UNC13B: variants seen among roughly 807,000 people sequenced by gnomAD.
UNC13B encodes the protein protein unc-13 homolog B.
UNC13B carries 144 observed loss-of-function variants against 211.0 expected under a neutral mutation model. The ratio of observed to expected loss-of-function variants is 0.68; its 90% CI spans 0.60 to 0.78. The LOEUF (loss-of-function observed/expected upper bound fraction) is 0.78, where lower values mean the gene tolerates loss of function less well. Ranked by LOEUF, UNC13B falls within the 30% of genes least tolerant of loss-of-function variation. The pLI is 0.00. For missense variants in UNC13B, 1,777 were observed against 2,002.0 expected, an observed-to-expected ratio of 0.89 and a Z score of 2.14; for synonymous variants, 709 against 725.8, an observed-to-expected ratio of 0.98 and a Z score of 0.37.
chr9:35,300,738 C>T lies in UNC13B; in HGVS notation c.1334C>T (p.Pro445Leu). ...GAGTGCTCTATAGAAGAGATAACCCCTTCCTCTATTGAGGAGCCCAAGGAG... is the reference window on the plus strand; with the variant it reads ...GAGTGCTCTATAGAAGAGATAACCCTTTCCTCTATTGAGGAGCCCAAGGAG... ...LSECSIEEIT[P>L]SSIEEPKEDR... Residue 445 changes from proline (P) to leucine (L), a missense_variant, in exon 9 of 40, where the codon CCT (proline) becomes CTT (leucine). Transcript: ENST00000635942. 2.5e-6 allele frequency: 1 copy of T among 398,970 alleles called. No individual in the cohort carries two copies. The allele number at this position is 398,970 out of a possible 1,614,324, so 24.7% of individuals were successfully genotyped here.
chr9:35,333,960 GT>G (rs555795828), intron 11 of UNC13B, among the ~76,000 whole-genome samples: 7 of 128,126 alleles, frequency 5.5e-5, no homozygotes, highest in African/African-American at 2.2e-4. Context: ...TCATTTTTTT[GT>G]TTGTTTTTTT....
chr9:35,225,561 T>C (rs944560540), intron 1 of UNC13B, among the ~76,000 whole-genome samples: 4 of 152,106 alleles, frequency 2.6e-5, no homozygotes, highest in Non-Finnish European at 5.9e-5. Context: ...TTTCTGTAGA[T>C]GTATCTATAT....
intron 1 of UNC13B, among the ~76,000 whole-genome samples, chr9:35,205,388 T>C (rs543922355): frequency 6.6e-6 from 1 of 152,214 alleles, no homozygotes; most frequent in Non-Finnish European, 1.5e-5. Context: ...TGAGGTGTAG[T>C]TTGCATACCA....
At chr9:35,363,561 A>T (rs912705745) in intron 11 of UNC13B, among the ~76,000 whole-genome samples, 2 of 152,144 alleles carry the variant, frequency 1.3e-5, no homozygotes, top group Non-Finnish European at 2.9e-5. Context: ...AGCTTGAAAA[A>T]TTGGGAACCT....
At chr9:35,165,242 G>T (rs768145558) in intron 1 of UNC13B, among the ~76,000 whole-genome samples, 24 of 152,034 alleles carry the variant, frequency 1.6e-4, no homozygotes, top group Non-Finnish European at 2.4e-4. Context: ...GTGGATCAGT[G>T]GTTGAAAATG....
chr9:35,282,993 T>G (rs991135683), intron 7 of UNC13B, among the ~76,000 whole-genome samples: 11 of 152,234 alleles, frequency 7.2e-5, no homozygotes, highest in Non-Finnish European at 1.2e-4. Flanking sequence ...TTCCATAGTT[T>G]GAGTATACTA....
chr9:35,271,138 C>CAAAA (rs34349679), intron 7 of UNC13B, among the ~76,000 whole-genome samples: 1 of 75,734 alleles, frequency 1.3e-5, no homozygotes, highest in Admixed American at 1.6e-4. Context: ...GACTCCATTT[C>CAAAA]AAAAAAAAAA....
rs116212979 is a variant in UNC13B, at chr9:35,233,912, T to G, written c.153-2557T>G. On this transcript the variant is annotated intron_variant, in intron 3 of 39. Coordinates refer to ENST00000635942, the MANE Select transcript of UNC13B (RefSeq NM_001371189.2). ...CTTAGCTGGACCTGCTGAGCAAATG[T>G]AGGTGAGATGAGAAGCTTCTTATAG... is the stretch of plus-strand genomic sequence containing the variant. Among the ~76,000 whole-genome samples the G allele has an allele frequency of 8.5e-3, 1,295 of 152,202 alleles. 13 individuals are homozygous for G. Among genetic ancestry groups the G allele is most frequent in the African/African-American group, 0.03 (1,226 of 41,524 alleles).
chr9:35,371,811 G>A (rs1834144510), intron 13 of UNC13B: 1 of 152,638 alleles, frequency 6.6e-6, no homozygotes, highest in South Asian at 2.1e-4. Flanking sequence ...GAAGCAGAGT[G>A]GATTGGGAAA....
chr9:35,284,720 A>G (rs927164049), intron 7 of UNC13B, among the ~76,000 whole-genome samples: 1 of 152,202 alleles, frequency 6.6e-6, no homozygotes, highest in Non-Finnish European at 1.5e-5. Flanking sequence ...AACTGTCTAG[A>G]AAAAGGGAAG....
chr9:35,274,058 C>T (rs1286705117), intron 7 of UNC13B, among the ~76,000 whole-genome samples: 1 of 152,072 alleles, frequency 6.6e-6, no homozygotes, highest in Non-Finnish European at 1.5e-5. Flanking sequence ...TGCTTCCTGA[C>T]CATCAGACCT....
chr9:35,397,077 C>T, intron 28 of UNC13B, 90 bp from the exon 29 acceptor site: 1 of 1,601,668 alleles, frequency 6.2e-7, no homozygotes, highest in South Asian at 1.1e-5. Context: ...GGCCATTAGC[C>T]ACTCTTGCTG....
intron 1 of UNC13B, among the ~76,000 whole-genome samples, chr9:35,183,832 C>T (rs1318581883): frequency 5.4e-5 from 8 of 148,882 alleles, no homozygotes; most frequent in African/African-American, 1.7e-4. Flanking sequence ...AGGCGCTCCT[C>T]GCCTCCCAGA....
At position 35,292,669 on chromosome 9, in the gene UNC13B, A is replaced by G. The variant is rs1235691135; in HGVS notation, c.527-3027A>G. Among the ~76,000 whole-genome samples, 3 of 152,200 alleles carry G rather than the reference A, an allele frequency of 2.0e-5. No homozygotes were observed. The South Asian group carries it at 6.2e-4, about 32-fold the overall frequency. ...TTCTGTCTCCTATTAGACTGACTCT[A>G]TATTCTGAGTCTTCTGTGTTGTTTA... On this transcript the variant is annotated intron_variant, in intron 7 of 39. Transcript: ENST00000635942.
At chr9:35,325,319 C>T (rs1830945362) in intron 11 of UNC13B, among the ~76,000 whole-genome samples, 1 of 152,152 alleles carries the variant, frequency 6.6e-6, no homozygotes, top group Non-Finnish European at 1.5e-5. Flanking sequence ...CATACCCATT[C>T]TCGCCTATTC....
Position 35,366,998 on chromosome 9 carries a change from G to A in UNC13B, c.9461+5G>A. 1.9e-6 allele frequency: 3 copies of A among 1,612,952 alleles called. No homozygotes were observed. Among genetic ancestry groups the A allele is most frequent in the Non-Finnish European group, 2.5e-6 (3 of 1,178,916 alleles). On this transcript the variant is annotated splice_donor_5th_base_variant and intron_variant, in intron 12 of 39. Coordinates refer to ENST00000635942, the MANE Select transcript of UNC13B (RefSeq NM_001371189.2). ...GCCTCAGTGGCTCCCGGAAGGGTAAGTAATTCACTGCAAGGTTTCTGTGGA... is the reference window on the plus strand; with the variant it reads ...GCCTCAGTGGCTCCCGGAAGGGTAAATAATTCACTGCAAGGTTTCTGTGGA...
intron 11 of UNC13B, among the ~76,000 whole-genome samples, chr9:35,338,324 T>A (rs1035933351): frequency 6.6e-6 from 1 of 152,162 alleles, no homozygotes; most frequent in Non-Finnish European, 1.5e-5. Context: ...CTAAGACTTG[T>A]CAGCAATTTA....
At chr9:35,299,531 T>G (rs1489730546) in intron 8 of UNC13B, among the ~76,000 whole-genome samples, 3 of 152,188 alleles carry the variant, frequency 2.0e-5, no homozygotes, top group African/African-American at 7.2e-5. Flanking sequence ...CATGTTTCAT[T>G]TTTTTCATTT....
At chr9:35,359,957 G>A (rs1228940362) in intron 11 of UNC13B, among the ~76,000 whole-genome samples, 2 of 152,158 alleles carry the variant, frequency 1.3e-5, no homozygotes, top group African/African-American at 4.8e-5. Context: ...ATGGACACCA[G>A]CATTCTTATA....
Sources: allele counts gnomAD v4.1 joint callset (sites outside exome capture counted in the v4.1 genomes callset), GRCh38; gene constraint gnomAD v4.1.1; transcripts MANE v1.5; gene names NCBI Gene and HGNC (gene_info 2026-07-23, HGNC 2026-07-21).